The following NTM variants were observed in gnomAD, a reference collection of about 807,000 sequenced individuals.
The protein encoded by NTM is IgLON family member 2.
A neutral mutation model predicts 42.1 loss-of-function variants in NTM; 13 were observed. The observed-to-expected ratio is 0.31, with a 90% CI of 0.20 to 0.49. NTM has a LOEUF of 0.49. Ranked by LOEUF, NTM falls within the 20% of genes least tolerant of loss-of-function variation. NTM has a pLI of 0.99. For synonymous variants in NTM, 187 were observed against 179.2 expected (o/e 1.04, Z -0.35); for missense variants, 373 against 452.8 (o/e 0.82, Z 1.60).
intron 1 of NTM, among the ~76,000 whole-genome samples, chr11:131,756,492 C>T (rs1565507998): frequency 6.6e-6 from 1 of 151,520 alleles, no homozygotes; most frequent in Non-Finnish European, 1.5e-5. Flanking sequence ...CCACTGCACT[C>T]CAGCCTGGGC....
chr11:132,229,420 A>G (rs1325818994), intron 4 of NTM, among the ~76,000 whole-genome samples: 3 of 152,212 alleles, frequency 2.0e-5, no homozygotes, highest in Non-Finnish European at 4.4e-5. Flanking sequence ...AGAAAATTCA[A>G]GATGAATCAA....
chr11:132,001,776 G>GCA (rs35551724), intron 2 of NTM, among the ~76,000 whole-genome samples: 39,235 of 147,214 alleles, frequency 0.27, 6,841 homozygotes, highest in East Asian at 0.87. Context: ...ACACAGACAG[G>GCA]CACACACACA....
At chr11:131,766,686 G>A (rs1024548377) in intron 1 of NTM, among the ~76,000 whole-genome samples, 6 of 152,038 alleles carry the variant, frequency 3.9e-5, no homozygotes, top group African/African-American at 1.2e-4. Flanking sequence ...TTTTATTGAA[G>A]CATTTTCCTT....
intron 1 of NTM, among the ~76,000 whole-genome samples, chr11:131,777,978 A>G (rs2087352455): frequency 6.6e-6 from 1 of 152,220 alleles, no homozygotes; most frequent in South Asian, 2.1e-4. Context: ...GGTGGATTTC[A>G]GGGAAGGAAA....
chr11:131,521,427 C>G (rs1246075895), intron 1 of NTM, among the ~76,000 whole-genome samples: 16 of 61,200 alleles, frequency 2.6e-4, no homozygotes, highest in Admixed American at 8.8e-4. Flanking sequence ...TTTTTTGAGA[C>G]GGGAGTCTCG....
chr11:132,007,121 T>A (rs1240629198), intron 2 of NTM, among the ~76,000 whole-genome samples: 2 of 152,234 alleles, frequency 1.3e-5, no homozygotes, highest in African/African-American at 4.8e-5. Flanking sequence ...CTGTGATGGA[T>A]GTCTACTGTG....
intron 1 of NTM, among the ~76,000 whole-genome samples, chr11:131,661,670 A>T (rs2739288): frequency 0.81 from 123,781 of 152,074 alleles, 50,608 homozygotes; most frequent in East Asian, 0.89. Flanking sequence ...TTGGTCAGTC[A>T]AGAAAGGCGT....
At chr11:131,789,645 G>GAAGAAGAAGAAGAAGAAGAA (rs2090517052) in intron 1 of NTM, among the ~76,000 whole-genome samples, 1 of 128,244 alleles carries the variant, frequency 7.8e-6, no homozygotes, top group Admixed American at 1.0e-4. Context: ...AAAAGAAGAA[G>GAAGAAGAAGAAGAAGAAGAA]AAGAAGAAGA....
chr11:132,119,016 C>T (rs2064317289), intron 2 of NTM, among the ~76,000 whole-genome samples: 2 of 152,172 alleles, frequency 1.3e-5, no homozygotes, highest in Admixed American at 1.3e-4. Flanking sequence ...CTTTCTCTGT[C>T]TCATTCTCCA....
Position 131,737,147 on chromosome 11 carries a change from G to A in NTM, c.83-174417G>A, listed in dbSNP as rs747686232. The stretch of plus-strand genomic sequence containing the variant: ...CAGTTACTGGGTTCTGATGGATCTG[G>A]CATCTTGTGAGGCATCCCACATAGA... On this transcript the variant is annotated intron_variant, in intron 1 of 8. Transcript: ENST00000683400. Among the ~76,000 whole-genome samples the A allele has an allele frequency of 1.8e-4, 28 of 152,294 alleles. No homozygotes were observed. The Middle Eastern group carries it at 0.01, about 56-fold the overall frequency.
At chr11:131,586,041 A>G (rs746992769) in intron 1 of NTM, among the ~76,000 whole-genome samples, 9 of 152,224 alleles carry the variant, frequency 5.9e-5, no homozygotes, top group Non-Finnish European at 1.2e-4. Context: ...CAGTGAAATT[A>G]CACACTGTCA....
At chr11:132,185,108 A>G (rs2078192010) in intron 3 of NTM, among the ~76,000 whole-genome samples, 1 of 152,194 alleles carries the variant, frequency 6.6e-6, no homozygotes, top group Non-Finnish European at 1.5e-5. Context: ...TAGAAATAGA[A>G]CTTTAAAAGT....
At chr11:131,752,895 C>G (rs559800083) in intron 1 of NTM, among the ~76,000 whole-genome samples, 91 of 152,204 alleles carry the variant, frequency 6.0e-4, no homozygotes, top group Admixed American at 2.8e-3. Flanking sequence ...CAAATGGGAT[C>G]TAATTAAACT....
At chr11:131,513,450 C>G (rs2048508495) in intron 1 of NTM, among the ~76,000 whole-genome samples, 1 of 152,096 alleles carries the variant, frequency 6.6e-6, no homozygotes, top group Non-Finnish European at 1.5e-5. Context: ...AAAAAAAGTC[C>G]TTTGAAAACA....
chr11:132,121,032 G>T (rs1053440889), intron 2 of NTM, among the ~76,000 whole-genome samples: 2 of 152,222 alleles, frequency 1.3e-5, no homozygotes, highest in East Asian at 3.9e-4. Flanking sequence ...ATGTCCAGTG[G>T]TCACCTTGAT....
intron 1 of NTM, among the ~76,000 whole-genome samples, chr11:131,495,210 A>G (rs1282185451): frequency 6.6e-6 from 1 of 152,190 alleles, no homozygotes; most frequent in Non-Finnish European, 1.5e-5. Context: ...AGTTCCCAGC[A>G]TGGTCCCAGG....
At chr11:131,590,094 A>G (rs186035560) in intron 1 of NTM, among the ~76,000 whole-genome samples, 1 of 152,138 alleles carries the variant, frequency 6.6e-6, no homozygotes, top group Non-Finnish European at 1.5e-5. Flanking sequence ...TATTTTGATC[A>G]ATCTCTTCCC....
At chr11:131,793,916 C>T (rs1055284234) in intron 1 of NTM, among the ~76,000 whole-genome samples, 12 of 152,142 alleles carry the variant, frequency 7.9e-5, no homozygotes, top group Admixed American at 7.9e-4. Flanking sequence ...AGGTTCTGAC[C>T]ATGGAACCAC....
intron 2 of NTM, among the ~76,000 whole-genome samples, chr11:132,084,283 G>C (rs771108687): frequency 6.6e-6 from 1 of 152,018 alleles, no homozygotes; most frequent in Non-Finnish European, 1.5e-5. Flanking sequence ...AAGAAATTTG[G>C]TTATCTTTGT....
Sources: allele counts gnomAD v4.1 joint callset (sites outside exome capture counted in the v4.1 genomes callset), GRCh38; gene constraint gnomAD v4.1.1; transcripts MANE v1.5; gene names NCBI Gene and HGNC (gene_info 2026-07-23, HGNC 2026-07-21).